The following CRIM1 variants were observed in gnomAD, a reference collection of about 807,000 sequenced individuals.
CRIM1 encodes the protein cysteine-rich motor neuron 1 protein.
A neutral mutation model predicts 116.4 loss-of-function variants in CRIM1; 32 were observed. The ratio of observed to expected loss-of-function variants is 0.27; its 90% confidence interval spans 0.21 to 0.37. CRIM1 has a LOEUF of 0.37. CRIM1 is among the 10% of genes least tolerant of loss of function. CRIM1 has a pLI of 1.00. For missense variants in CRIM1, 1,331 were observed against 1,354.8 expected (o/e 0.98, Z 0.28); for synonymous variants, 590 against 509.2 (o/e 1.16, Z -2.13).
At chr2:36,504,538 A>G (rs1178081601) in intron 8 of CRIM1, among the ~76,000 whole-genome samples, 1 of 152,248 alleles carries the variant, frequency 6.6e-6, no homozygotes, top group Non-Finnish European at 1.5e-5. Flanking sequence ...AACAAATAAC[A>G]TTCTTGTAAC....
intron 8 of CRIM1, among the ~76,000 whole-genome samples, chr2:36,506,326 CAG>C (rs1681418417): frequency 2.0e-5 from 3 of 152,202 alleles, no homozygotes; most frequent in South Asian, 4.2e-4. Flanking sequence ...AGTCTCCACA[CAG>C]AGAGTGGCCC....
chr2:36,502,875 C>A (rs140311597), intron 8 of CRIM1, among the ~76,000 whole-genome samples: 1 of 152,264 alleles, frequency 6.6e-6, no homozygotes, highest in Non-Finnish European at 1.5e-5. Flanking sequence ...ATCATTCTTG[C>A]CTGAGATCTC....
chr2:36,364,896 A>T (rs902010025), intron 1 of CRIM1, among the ~76,000 whole-genome samples: 3 of 152,224 alleles, frequency 2.0e-5, no homozygotes, highest in African/African-American at 7.2e-5. Context: ...TAGATTTTTT[A>T]AAATAATATT....
At chr2:36,385,357 A>G (rs1160831262) in intron 1 of CRIM1, among the ~76,000 whole-genome samples, 1 of 152,216 alleles carries the variant, frequency 6.6e-6, no homozygotes, top group Admixed American at 6.5e-5. Flanking sequence ...TCCTGAAAAG[A>G]TTCCTTATTG....
At chr2:36,510,207 G>C in intron 9 of CRIM1, 68 bp downstream of exon 9, 1 of 1,451,154 alleles carries the variant, frequency 6.9e-7, no homozygotes, top group African/African-American at 1.4e-5. Flanking sequence ...TACACATTTT[G>C]TTTTATATGT....
intron 2 of CRIM1, among the ~76,000 whole-genome samples, chr2:36,409,965 T>G (rs1673087279): frequency 6.6e-6 from 1 of 152,188 alleles, no homozygotes; most frequent in Non-Finnish European, 1.5e-5. Flanking sequence ...CGCTCTAAGA[T>G]AAGAATAATG....
intron 2 of CRIM1, among the ~76,000 whole-genome samples, chr2:36,409,460 C>G (rs767606181): frequency 6.6e-6 from 1 of 152,148 alleles, no homozygotes; most frequent in African/African-American, 2.4e-5. Context: ...CAATGATACC[C>G]CTTCCTGACT....
rs1411155575 is a variant in CRIM1 at position 36,548,848 on chromosome 2, G to A, written c.*147G>A. On this transcript the variant is annotated 3_prime_UTR_variant, in exon 17 of 17. Coordinates refer to ENST00000280527, the MANE Select transcript of CRIM1 (RefSeq NM_016441.3). ...CTAAGACCTTACTGGGATGGGCTCTGTCTACAGCAATGTGCAGAACAAGCA... is the reference window on the plus strand; with the variant it reads ...CTAAGACCTTACTGGGATGGGCTCTATCTACAGCAATGTGCAGAACAAGCA... The A allele has an allele frequency of 3.5e-6, 2 of 565,170 alleles. No individual in the cohort carries two copies. The highest frequency in any genetic ancestry group is 6.0e-6 in the Non-Finnish European group (2 of 334,578). The allele number at this position is 565,170 out of a possible 1,614,324, so 35.0% of individuals were successfully genotyped here. A position where few individuals can be genotyped will look rare whatever the true frequency, so the allele number is the denominator to read the frequency against.
intron 4 of CRIM1, among the ~76,000 whole-genome samples, chr2:36,445,039 G>A (rs1558592562): frequency 6.6e-6 from 1 of 152,218 alleles, no homozygotes; most frequent in East Asian, 1.9e-4. Context: ...CTGTGTGATT[G>A]TCAAGGAAAG....
At chr2:36,473,442 A>G (rs892456776) in intron 5 of CRIM1, among the ~76,000 whole-genome samples, 3 of 152,142 alleles carry the variant, frequency 2.0e-5, no homozygotes, top group African/African-American at 7.2e-5. Context: ...GAGTTCTGCA[A>G]TCATCAACAC....
Position 36,356,224 on chromosome 2 carries a change from C to G in CRIM1, c.-69C>G. 2 of 821,200 alleles carry G rather than the reference C, an allele frequency of 2.4e-6. No individual in the cohort carries two copies. The highest frequency in any genetic ancestry group is 3.3e-6 in the Non-Finnish European group (2 of 612,040). The allele number at this position is 821,200 out of a possible 1,614,324, so 50.9% of individuals were successfully genotyped here. A position where few individuals can be genotyped will look rare whatever the true frequency, so the allele number is the denominator to read the frequency against. On this transcript the variant is annotated 5_prime_UTR_variant, in exon 1 of 17. Transcript: ENST00000280527. This position sits in a 1 kb window ranked among gnomAD's most constrained non-coding sequence, Gnocchi z 4.3. ...TGCGGCGGCGGCGGCGCGTGTGCCCCGCGCAGGGGAGGGCGCCCGCCCCGC... is the reference window on the plus strand; with the variant it reads ...TGCGGCGGCGGCGGCGCGTGTGCCCGGCGCAGGGGAGGGCGCCCGCCCCGC...
At chr2:36,426,625 T>C (rs1238724459) in intron 2 of CRIM1, among the ~76,000 whole-genome samples, 1 of 152,058 alleles carries the variant, frequency 6.6e-6, no homozygotes, top group Non-Finnish European at 1.5e-5. Flanking sequence ...GGACAAAAGG[T>C]GGCTTCTTAA....
rs182706162 is a variant in CRIM1 at position 36,398,261 on chromosome 2, A to G, written c.505+1474A>G. On this transcript the variant is annotated intron_variant, in intron 2 of 16. Transcript: ENST00000280527. ...TGGTGAGTGCGTCACCATTGCTGTC[A>G]TTGTCTCTACTCAGGCCCCCTTCCA... Among the ~76,000 whole-genome samples the G allele has an allele frequency of 6.6e-5, 10 of 152,218 alleles. No homozygotes were observed. In the East Asian group the frequency reaches 1.9e-3, roughly 29 times the overall value.
chr2:36,523,204 G>A (rs1665532115), intron 13 of CRIM1, among the ~76,000 whole-genome samples: 1 of 152,132 alleles, frequency 6.6e-6, no homozygotes, highest in African/African-American at 2.4e-5. Flanking sequence ...CCCACTTAGT[G>A]TATAAAGCTT....
chr2:36,406,944 G>T (rs1007407259), intron 2 of CRIM1, among the ~76,000 whole-genome samples: 3 of 152,026 alleles, frequency 2.0e-5, no homozygotes, highest in African/African-American at 7.2e-5. Context: ...ACTAAGTCCT[G>T]GCCCCCTCGA....
chr2:36,472,798 A>T (rs569094098), intron 5 of CRIM1, among the ~76,000 whole-genome samples: 22 of 152,330 alleles, frequency 1.4e-4, no homozygotes, highest in East Asian at 1.2e-3. Flanking sequence ...TAATGTATAA[A>T]AGTACTCCGT....
chr2:36,389,663 A>G (rs563575224), intron 1 of CRIM1, among the ~76,000 whole-genome samples: 22 of 152,316 alleles, frequency 1.4e-4, no homozygotes, highest in African/African-American at 5.3e-4. Context: ...TACAAGGTGG[A>G]AAAGGTAAGA....
intron 2 of CRIM1, among the ~76,000 whole-genome samples, chr2:36,411,808 G>A (rs183539904): frequency 2.0e-4 from 31 of 152,164 alleles, no homozygotes; most frequent in Admixed American, 1.7e-3. Context: ...CTCTTAACCC[G>A]TGAGATACAT....
chr2:36,384,193 C>G (rs1216613948), intron 1 of CRIM1, among the ~76,000 whole-genome samples: 1 of 152,230 alleles, frequency 6.6e-6, no homozygotes, highest in Non-Finnish European at 1.5e-5. Flanking sequence ...GAACCATGCA[C>G]ACACCTGGAG....
Sources: allele counts gnomAD v4.1 joint callset (sites outside exome capture counted in the v4.1 genomes callset), GRCh38; gene constraint gnomAD v4.1.1; non-coding constraint Gnocchi (gnomAD v3.1); transcripts MANE v1.5; gene names NCBI Gene and HGNC (gene_info 2026-07-23, HGNC 2026-07-21).